The following TRPM3 variants were observed in gnomAD, a reference collection of about 807,000 sequenced individuals.
TRPM3 encodes transient receptor potential cation channel subfamily M member 3.
Under a neutral mutation model 181.2 loss-of-function variants are expected in TRPM3, and 77 were observed. The ratio of observed to expected loss-of-function variants is 0.42; its 90% CI spans 0.35 to 0.51. The LOEUF is 0.51. TRPM3 is among the 20% of genes least tolerant of loss of function. The probability of loss-of-function intolerance (pLI) is 0.01; values close to 1 mark genes in which losing one functional copy is unlikely to be tolerated. For synonymous variants in TRPM3, 745 were observed against 796.4 expected, an observed-to-expected ratio of 0.94 and a Z score of 1.09; for missense variants, 1,759 against 2,196.7, an observed-to-expected ratio of 0.80 and a Z score of 3.98.
At chr9:71,285,876 G>A (rs545277628) in intron 1 of TRPM3, among the ~76,000 whole-genome samples, 3 of 152,216 alleles carry the variant, frequency 2.0e-5, no homozygotes, top group South Asian at 2.1e-4. Flanking sequence ...TCCATTATGC[G>A]CTGTAATTTC....
chr9:70,688,238 AGCT>A (rs2067498937), intron 8 of TRPM3, among the ~76,000 whole-genome samples: 1 of 152,272 alleles, frequency 6.6e-6, no homozygotes, highest in East Asian at 1.9e-4. Flanking sequence ...TATGACATAA[AGCT>A]AAAAATTCTT....
chr9:70,933,087 C>CTG (rs1564792762), intron 1 of TRPM3, among the ~76,000 whole-genome samples: 1 of 151,998 alleles, frequency 6.6e-6, no homozygotes, highest in Non-Finnish European at 1.5e-5. Context: ...AAGATGAAAC[C>CTG]ATTTAATGAG....
At chr9:70,616,165 G>T in intron 17 of TRPM3, 90 bp from the exon 18 acceptor site, 1 of 1,025,520 alleles carries the variant, frequency 9.8e-7, no homozygotes. Context: ...TGAGGTATGG[G>T]GTATAAGAGT....
intron 1 of TRPM3, among the ~76,000 whole-genome samples, chr9:71,243,636 G>T (rs1231402653): frequency 1.3e-5 from 2 of 152,120 alleles, no homozygotes; most frequent in African/African-American, 4.8e-5. Flanking sequence ...TTAAACAAAT[G>T]AATAGAAGAA....
chr9:71,280,531 A>G (rs2084627596), intron 1 of TRPM3, among the ~76,000 whole-genome samples: 1 of 152,174 alleles, frequency 6.6e-6, no homozygotes, highest in Admixed American at 6.6e-5. Flanking sequence ...AAGAAAAGAA[A>G]AGAAAAGAAA....
chr9:70,945,383 G>GTC (rs1441662254), intron 1 of TRPM3, among the ~76,000 whole-genome samples: 4 of 152,094 alleles, frequency 2.6e-5, no homozygotes, highest in Non-Finnish European at 5.9e-5. Context: ...AAGGTAGTTG[G>GTC]TCTGTTATAT....
intron 1 of TRPM3, among the ~76,000 whole-genome samples, chr9:71,083,256 G>C (rs146659893): frequency 5.3e-5 from 8 of 152,178 alleles, no homozygotes; most frequent in African/African-American, 1.7e-4. Context: ...TGCTTATCAT[G>C]GATCAGGAAC....
At chr9:71,175,712 A>G (rs898400252) in intron 1 of TRPM3, among the ~76,000 whole-genome samples, 1 of 152,298 alleles carries the variant, frequency 6.6e-6, no homozygotes. Flanking sequence ...CAACATGGAG[A>G]TCAAAATCAT....
chr9:70,800,172 C>A (rs779771787), intron 6 of TRPM3, among the ~76,000 whole-genome samples: 5 of 152,082 alleles, frequency 3.3e-5, no homozygotes, highest in African/African-American at 9.7e-5. Context: ...AAAGAAAAAA[C>A]AACTGCAACA....
chr9:70,740,661 C>T (rs1443676539), intron 8 of TRPM3, among the ~76,000 whole-genome samples: 1 of 152,054 alleles, frequency 6.6e-6, no homozygotes, highest in Admixed American at 6.6e-5. Flanking sequence ...ATAGAGAACC[C>T]AGAAATAAAG....
chr9:70,987,307 T>C (rs1309800963), intron 1 of TRPM3, among the ~76,000 whole-genome samples: 1 of 152,184 alleles, frequency 6.6e-6, no homozygotes, highest in Non-Finnish European at 1.5e-5. Flanking sequence ...GAGTAATGTC[T>C]ATTCTATCCC....
chr9:70,843,270 T>A (rs778462042), intron 4 of TRPM3, 143 bp from the exon 5 acceptor site: 1 of 847,600 alleles, frequency 1.2e-6, no homozygotes, highest in East Asian at 2.7e-5. Context: ...AAACTACTTG[T>A]ATTTAGGAGA....
rs1354540143 is a variant in TRPM3 at position 71,282,353 on chromosome 9, GAAAGA to G, written c.183+164295_183+164299del. On this transcript the variant is annotated intron_variant, in intron 1 of 24. Coordinates refer to the TRPM3 transcript ENST00000357533. ...GAAAGAGAGAAAGAAAGAAAAGAAA[GAAAGA>G]AAAAGAAAGAATGAAAGAAAGAAAG... Among the ~76,000 whole-genome samples, 3 of 102,696 alleles carry G rather than the reference GAAAGA, an allele frequency of 2.9e-5. 1 individual carries two copies. Among genetic ancestry groups the G allele is most frequent in the African/African-American group, 1.5e-4 (3 of 19,382 alleles). The allele number at this position is 102,696 out of a possible 152,430, so 67.4% of individuals were successfully genotyped here.
chr9:70,999,420 C>G (rs1260696187), intron 1 of TRPM3, among the ~76,000 whole-genome samples: 2 of 152,062 alleles, frequency 1.3e-5, no homozygotes, highest in Non-Finnish European at 2.9e-5. Flanking sequence ...TGAACGTGAT[C>G]TGAAATAATA....
chr9:71,326,123 C>T (rs1025873041), intron 1 of TRPM3, among the ~76,000 whole-genome samples: 3 of 152,126 alleles, frequency 2.0e-5, no homozygotes, highest in East Asian at 3.9e-4. Flanking sequence ...CCTTAAAATA[C>T]GGGCATTAAG....
At chr9:70,875,513 A>G (rs2095855165) in intron 1 of TRPM3, among the ~76,000 whole-genome samples, 1 of 151,958 alleles carries the variant, frequency 6.6e-6, no homozygotes, top group Non-Finnish European at 1.5e-5. Context: ...ATCATCCTTA[A>G]GAATGCCCTG....
chr9:70,825,743 T>A (rs1034987798), intron 6 of TRPM3: 2 of 152,506 alleles, frequency 1.3e-5, no homozygotes, highest in East Asian at 1.9e-4. Context: ...GCCATCCATA[T>A]ATGCAGCAGC....
At chr9:70,689,629 A>G (rs1286224751) in intron 8 of TRPM3, among the ~76,000 whole-genome samples, 1 of 152,034 alleles carries the variant, frequency 6.6e-6, no homozygotes, top group Non-Finnish European at 1.5e-5. Context: ...ATGATAGGCT[A>G]TTTTTTTGAG....
At chr9:71,316,837 A>C (rs1187749199) in intron 1 of TRPM3, among the ~76,000 whole-genome samples, 2 of 152,170 alleles carry the variant, frequency 1.3e-5, no homozygotes, top group Non-Finnish European at 2.9e-5. Flanking sequence ...GAAAATTGAT[A>C]TCACTCATAA....
Sources: allele counts gnomAD v4.1 joint callset (sites outside exome capture counted in the v4.1 genomes callset), GRCh38; gene constraint gnomAD v4.1.1; transcripts MANE v1.5; gene names NCBI Gene and HGNC (gene_info 2026-07-23, HGNC 2026-07-21).